CNTNAP2: variants seen among roughly 807,000 people sequenced by gnomAD.
CNTNAP2 encodes contactin-associated protein-like 2.
In CNTNAP2, 98 loss-of-function variants were observed where a neutral mutation model predicts 155.2. That is an observed-to-expected ratio of 0.63 (90% CI 0.54 to 0.75). The LOEUF (loss-of-function observed/expected upper bound fraction) is 0.75. Ranked by LOEUF, CNTNAP2 falls within the 30% of genes least tolerant of loss-of-function variation. The probability of loss-of-function intolerance (pLI) is 0.00; values close to 1 mark genes in which losing one functional copy is unlikely to be tolerated. For missense variants in CNTNAP2, 1,727 were observed against 1,688.1 expected (o/e 1.02, Z -0.40); for synonymous variants, 651 against 631.2 (o/e 1.03, Z -0.47).
At chr7:147,020,857 C>G (rs1584787333) in intron 3 of CNTNAP2, among the ~76,000 whole-genome samples, 1 of 152,084 alleles carries the variant, frequency 6.6e-6, no homozygotes. Flanking sequence ...GTGGGATACA[C>G]ATAGTCAGAG....
At chr7:147,288,673 T>A (rs977991522) in intron 8 of CNTNAP2, among the ~76,000 whole-genome samples, 1 of 152,204 alleles carries the variant, frequency 6.6e-6, no homozygotes, top group East Asian at 1.9e-4. Flanking sequence ...ACAACAGATA[T>A]TAAGTGTGAC....
At chr7:146,163,091 G>A (rs1036593141) in intron 1 of CNTNAP2, among the ~76,000 whole-genome samples, 3 of 151,968 alleles carry the variant, frequency 2.0e-5, no homozygotes, top group Admixed American at 1.3e-4. Flanking sequence ...CACCAACATG[G>A]CACATTTACA....
rs116149369 is a variant in CNTNAP2, at chr7:146,796,395, C to T, written c.208+22014C>T. ...TTTTAAGGGGATTGTGGAGGGTGAG[C>T]GGCTGTAAAATTGGGGTTTTGATTG... On this transcript the variant is annotated intron_variant, in intron 2 of 23. Coordinates refer to ENST00000361727, the MANE Select transcript of CNTNAP2 (RefSeq NM_014141.6). Among the ~76,000 whole-genome samples the T allele has an allele frequency of 7.3e-3, 1,108 of 152,076 alleles. 9 individuals carry two copies. The highest frequency in any genetic ancestry group is 0.019 in the African/African-American group (790 of 41,480).
chr7:146,272,466 A>G (rs993562476), intron 1 of CNTNAP2, among the ~76,000 whole-genome samples: 13 of 152,142 alleles, frequency 8.5e-5, no homozygotes, highest in African/African-American at 2.9e-4. Context: ...ATTTTAATAA[A>G]TGATAATATG....
chr7:147,071,325 C>CCAAAAA (rs897114393), intron 4 of CNTNAP2, among the ~76,000 whole-genome samples: 1 of 132,902 alleles, frequency 7.5e-6, no homozygotes, highest in African/African-American at 2.8e-5. Context: ...GATTATCCTG[C>CCAAAAA]AAAAAAAAAA....
chr7:147,077,883 G>C (rs1563067865), intron 4 of CNTNAP2, among the ~76,000 whole-genome samples: 1 of 152,224 alleles, frequency 6.6e-6, no homozygotes, highest in African/African-American at 2.4e-5. Context: ...TAGGCTTCAA[G>C]ATACACAGAT....
intron 1 of CNTNAP2, among the ~76,000 whole-genome samples, chr7:146,442,146 T>G (rs1481441328): frequency 1.3e-5 from 2 of 151,650 alleles, no homozygotes; most frequent in Non-Finnish European, 2.9e-5. Context: ...TATTTCAACC[T>G]CACTTTCAAG....
chr7:146,462,103 G>A (rs543805695), intron 1 of CNTNAP2, among the ~76,000 whole-genome samples: 8 of 152,072 alleles, frequency 5.3e-5, no homozygotes, highest in African/African-American at 1.9e-4. Flanking sequence ...TGAGTTAGAA[G>A]ACCTCCGAAA....
chr7:147,050,601 G>T (rs572891928), intron 4 of CNTNAP2, among the ~76,000 whole-genome samples: 2 of 152,114 alleles, frequency 1.3e-5, no homozygotes, highest in African/African-American at 4.8e-5. Flanking sequence ...ATGCTGTGTT[G>T]ATGGCACGTC....
At chr7:146,308,666 A>G (rs150073349) in intron 1 of CNTNAP2, among the ~76,000 whole-genome samples, 2 of 152,188 alleles carry the variant, frequency 1.3e-5, no homozygotes, top group African/African-American at 2.4e-5. Flanking sequence ...TGATGAGTTC[A>G]TGTCCTCTTA....
At chr7:146,684,430 T>C (rs1032627271) in intron 1 of CNTNAP2, among the ~76,000 whole-genome samples, 1 of 151,980 alleles carries the variant, frequency 6.6e-6, no homozygotes, top group Non-Finnish European at 1.5e-5. Flanking sequence ...AAAATCAAAA[T>C]ATCCTCCAGA....
chr7:147,008,453 G>A (rs1798563985), intron 3 of CNTNAP2, among the ~76,000 whole-genome samples: 1 of 151,950 alleles, frequency 6.6e-6, no homozygotes, highest in South Asian at 2.1e-4. Context: ...TATAATTTTA[G>A]GAAATGGAAA....
chr7:147,453,179 A>G (rs1175517854), intron 10 of CNTNAP2, among the ~76,000 whole-genome samples: 1 of 152,078 alleles, frequency 6.6e-6, no homozygotes, highest in African/African-American at 2.4e-5. Context: ...TAAGCATGCC[A>G]TGTTCTGCAG....
At chr7:147,364,457 A>T (rs1584901242) in intron 9 of CNTNAP2, among the ~76,000 whole-genome samples, 1 of 152,220 alleles carries the variant, frequency 6.6e-6, no homozygotes, top group African/African-American at 2.4e-5. Context: ...ATGTGAAGAA[A>T]CATGCTGTCA....
chr7:148,138,110 C>T (rs935926740), intron 16 of CNTNAP2, among the ~76,000 whole-genome samples: 2 of 152,190 alleles, frequency 1.3e-5, no homozygotes, highest in East Asian at 1.9e-4. Context: ...AGAAAACAGA[C>T]GTCCCCTTGG....
chr7:148,049,133 T>G (rs1200469059), intron 15 of CNTNAP2, among the ~76,000 whole-genome samples: 1 of 152,138 alleles, frequency 6.6e-6, no homozygotes, highest in African/African-American at 2.4e-5. Context: ...AAGAATCACT[T>G]GAACCCAAGA....
chr7:146,409,362 T>A (rs1795835808), intron 1 of CNTNAP2, among the ~76,000 whole-genome samples: 1 of 152,162 alleles, frequency 6.6e-6, no homozygotes, highest in South Asian at 2.1e-4. Context: ...AGAAAACAAA[T>A]TTTAAATAGA....
chr7:146,298,720 G>A (rs546076029), intron 1 of CNTNAP2, among the ~76,000 whole-genome samples: 1 of 152,330 alleles, frequency 6.6e-6, no homozygotes, highest in South Asian at 2.1e-4. Flanking sequence ...TTCAACACTG[G>A]AGAAAGTAGA....
intron 1 of CNTNAP2, among the ~76,000 whole-genome samples, chr7:146,717,167 T>C (rs190175995): frequency 8.7e-4 from 132 of 152,160 alleles, no homozygotes; most frequent in Middle Eastern, 3.4e-3. Context: ...CACTTTAAAT[T>C]GCCATGGAGA....
Sources: gnomAD v4.1 joint callset for allele counts (sites outside exome capture counted in the v4.1 genomes callset) on GRCh38, gnomAD v4.1.1 for gene constraint, MANE v1.5 for transcripts, NCBI Gene and HGNC (gene_info 2026-07-23, HGNC 2026-07-21) for gene names.